Variants in ERI1 observed in about 807,000 individuals in gnomAD.
The protein encoded by ERI1 is 3'-5' exoribonuclease 1.
In ERI1, 39 loss-of-function variants were observed where a neutral mutation model predicts 39.7. That is an observed-to-expected ratio of 0.98 (90% confidence interval 0.76 to 1.28). The LOEUF (loss-of-function observed/expected upper bound fraction) is 1.28. ERI1 is among the 50% of genes most tolerant of loss of function. ERI1 has a pLI of 0.00. For synonymous variants in ERI1, 204 were observed against 149.6 expected, an observed-to-expected ratio of 1.36 and a Z score of -2.65; for missense variants, 581 against 416.9, an observed-to-expected ratio of 1.39 and a Z score of -3.43.
intron 6 of ERI1, among the ~76,000 whole-genome samples, chr8:9,029,254 T>C (rs1797414020): frequency 6.6e-6 from 1 of 152,204 alleles, no homozygotes; most frequent in Non-Finnish European, 1.5e-5. Context: ...ATTAAAAAAC[T>C]GCAGAGTTTT....
chr8:9,050,586 A>T (rs1798327204), intron 3 of ERI1, among the ~76,000 whole-genome samples: 1 of 152,132 alleles, frequency 6.6e-6, no homozygotes, highest in Non-Finnish European at 1.5e-5. Flanking sequence ...TTCCTGTCTG[A>T]GTCCTCATTG....
Position 9,089,147 on chromosome 8 carries a change from T to C in ERI1, n.300-27201T>C, listed in dbSNP as rs796589328. On this transcript the variant is annotated intron_variant and non_coding_transcript_variant, in intron 3 of 3. Coordinates refer to the ERI1 transcript ENST00000518663. ...ATGGTTCCCGCTTCACTCTCCTCTT[T>C]CCTTTTCTTCACTGAGTTTCTCTCA... 1.3e-5 allele frequency among the ~76,000 whole-genome samples: 2 copies of C among 152,342 alleles called. 1 individual carries two copies. Among genetic ancestry groups the C allele is most frequent in the African/African-American group, 4.8e-5 (2 of 41,592 alleles).
Position 9,003,162 on chromosome 8 carries a change from C to G in ERI1, c.99C>G (p.Pro33=). 1 of 1,243,502 alleles carries G rather than the reference C, an allele frequency of 8.0e-7. No individual in the cohort carries two copies. Among genetic ancestry groups the G allele is most frequent in the Middle Eastern group, 3.1e-4 (1 of 3,272 alleles). The allele number at this position is 1,243,502 out of a possible 1,614,324, so 77.0% of individuals were successfully genotyped here. The change falls in exon 1 of 7, where the codon CCC becomes CCG. Residue 33 remains proline, a synonymous_variant. Coordinates refer to ENST00000250263, the MANE Select transcript of ERI1 (RefSeq NM_153332.4). ...RPEGGEEPPR[P]SPEETQQCKF... Reference sequence around the variant, plus strand: ...AGGGCGGGGAGGAGCCGCCGCGTCCCAGTCCCGAGGTGAGGAGTCGACCCG... The same window carrying G: ...AGGGCGGGGAGGAGCCGCCGCGTCCGAGTCCCGAGGTGAGGAGTCGACCCG...
At chr8:9,051,841 T>G (rs1290107121) in intron 3 of ERI1, among the ~76,000 whole-genome samples, 1 of 152,242 alleles carries the variant, frequency 6.6e-6, no homozygotes, top group Non-Finnish European at 1.5e-5. Flanking sequence ...CACTCACTTA[T>G]GAGAATTTTC....
At chr8:9,038,829 T>G (rs540956346) in intron 3 of ERI1, among the ~76,000 whole-genome samples, 16 of 152,344 alleles carry the variant, frequency 1.1e-4, no homozygotes, top group Admixed American at 6.5e-4. Flanking sequence ...GAGATAATGT[T>G]TTTACAATTA....
rs140017006 is a variant in ERI1, at chr8:9,087,218, T to G, written n.300-29130T>G. ...CTCCCCTTGCCCCCCACCTTCATCTTATTTTTATTTATTTTTAAATTATAT... is the reference window on the plus strand; with the variant it reads ...CTCCCCTTGCCCCCCACCTTCATCTGATTTTTATTTATTTTTAAATTATAT... On this transcript the variant is annotated intron_variant and non_coding_transcript_variant, in intron 3 of 3. Transcript: ENST00000518663. 4.0e-5 allele frequency among the ~76,000 whole-genome samples: 6 copies of G among 151,258 alleles called. 1 individual carries two copies. Among genetic ancestry groups the G allele is most frequent in the East Asian group, 1.9e-4 (1 of 5,166 alleles).
intron 3 of ERI1, among the ~76,000 whole-genome samples, chr8:9,092,167 G>T (rs1799728059): frequency 6.6e-6 from 1 of 152,166 alleles, no homozygotes; most frequent in South Asian, 2.1e-4. Flanking sequence ...ATGTTGCCCA[G>T]GCTGGTCTCA....
intron 6 of ERI1, among the ~76,000 whole-genome samples, chr8:9,024,530 C>T (rs558892378): frequency 6.6e-6 from 1 of 152,094 alleles, no homozygotes; most frequent in African/African-American, 2.4e-5. Flanking sequence ...AATCAATTCT[C>T]CTGCCTCAGC....
chr8:9,044,355 G>C (rs548273714), intron 3 of ERI1, among the ~76,000 whole-genome samples: 1 of 152,112 alleles, frequency 6.6e-6, no homozygotes, highest in Non-Finnish European at 1.5e-5. Context: ...TGAAAGAAGC[G>C]AGGTGACTTT....
intron 6 of ERI1, among the ~76,000 whole-genome samples, chr8:9,021,873 A>C (rs1333485662): frequency 6.8e-6 from 1 of 147,388 alleles, no homozygotes; most frequent in East Asian, 2.0e-4. Flanking sequence ...TTGTGTGACT[A>C]TACCAGATTT....
chr8:9,042,890 G>T (rs932295865), intron 3 of ERI1, among the ~76,000 whole-genome samples: 3 of 152,170 alleles, frequency 2.0e-5, no homozygotes, highest in African/African-American at 7.2e-5. Context: ...CAACCTACAC[G>T]TGCACCTGCT....
intron 5 of ERI1, among the ~76,000 whole-genome samples, chr8:9,019,482 C>G (rs989538040): frequency 6.6e-6 from 1 of 152,180 alleles, no homozygotes; most frequent in Admixed American, 6.5e-5. Context: ...GTATAGTATA[C>G]GCAGTTCTGG....
chr8:9,069,402 G>T (rs1798980391), intron 3 of ERI1, among the ~76,000 whole-genome samples: 1 of 152,192 alleles, frequency 6.6e-6, no homozygotes, highest in Non-Finnish European at 1.5e-5. Flanking sequence ...ATTTTTAAAA[G>T]GTGTGGTAAC....
At chr8:9,089,717 C>T (rs895954662) in intron 3 of ERI1, among the ~76,000 whole-genome samples, 15 of 152,094 alleles carry the variant, frequency 9.9e-5, no homozygotes, top group African/African-American at 2.7e-4. Flanking sequence ...TACAAAATGA[C>T]GAGGTTTGTG....
At chr8:9,013,491 G>A (rs2084076) in intron 3 of ERI1, among the ~76,000 whole-genome samples, 132,576 of 151,768 alleles carry the variant, frequency 0.87, 58,089 homozygotes, top group Non-Finnish European at 0.91. Context: ...CAGCTTCCCC[G>A]TATCAGATGA....
chr8:9,056,083 T>C (rs1798498133), intron 3 of ERI1, among the ~76,000 whole-genome samples: 1 of 152,242 alleles, frequency 6.6e-6, no homozygotes, highest in South Asian at 2.1e-4. Flanking sequence ...TCAGAAGCTC[T>C]GGGATCTCAC....
At chr8:9,090,260 G>C (rs1427886045) in intron 3 of ERI1, among the ~76,000 whole-genome samples, 1 of 151,906 alleles carries the variant, frequency 6.6e-6, no homozygotes, top group Non-Finnish European at 1.5e-5. Flanking sequence ...GGGGCCGACA[G>C]AGAAGGGGTG....
chr8:9,093,546 G>C (rs961112558), intron 3 of ERI1, among the ~76,000 whole-genome samples: 2 of 150,278 alleles, frequency 1.3e-5, no homozygotes, highest in Non-Finnish European at 1.5e-5. Flanking sequence ...AAGAAAGTAA[G>C]AAAGTTTGTA....
intron 2 of ERI1, among the ~76,000 whole-genome samples, chr8:9,009,541 T>G (rs1441144448): frequency 1.3e-5 from 2 of 152,134 alleles, no homozygotes. Flanking sequence ...GAACATGCCT[T>G]TTATTTTTTA....
Sources: allele counts gnomAD v4.1 joint callset (sites outside exome capture counted in the v4.1 genomes callset), GRCh38; gene constraint gnomAD v4.1.1; transcripts MANE v1.5; gene names NCBI Gene and HGNC (gene_info 2026-07-23, HGNC 2026-07-21).